Variants in MAP3K5 observed in about 807,000 individuals in gnomAD.
MAP3K5 encodes the protein ASK-1.
Under a neutral mutation model 158.7 loss-of-function variants are expected in MAP3K5, and 56 were observed. The observed-to-expected ratio is 0.35, with a 90% CI of 0.28 to 0.44. The LOEUF is 0.44. Ranked by LOEUF, MAP3K5 falls within the 20% of genes least tolerant of loss-of-function variation. The probability of loss-of-function intolerance (pLI) is 1.00; values close to 1 mark genes in which losing one functional copy is unlikely to be tolerated. For missense variants in MAP3K5, 1,294 were observed against 1,674.8 expected, an observed-to-expected ratio of 0.77 and a Z score of 3.97; for synonymous variants, 579 against 601.7, an observed-to-expected ratio of 0.96 and a Z score of 0.55.
intron 1 of MAP3K5, among the ~76,000 whole-genome samples, chr6:136,789,285 G>A (rs1190568504): frequency 6.6e-6 from 1 of 152,194 alleles, no homozygotes; most frequent in African/African-American, 2.4e-5. Context: ...ACTCCAGGCT[G>A]GGCAACAGAG....
chr6:136,764,347 C>T (rs1460638922), intron 1 of MAP3K5, among the ~76,000 whole-genome samples: 1 of 152,206 alleles, frequency 6.6e-6, no homozygotes, highest in Non-Finnish European at 1.5e-5. Flanking sequence ...TGATAGCTTC[C>T]ATGTCCTTCT....
At chr6:136,717,673 T>G (rs1781583283) in intron 2 of MAP3K5, among the ~76,000 whole-genome samples, 1 of 152,202 alleles carries the variant, frequency 6.6e-6, no homozygotes, top group Non-Finnish European at 1.5e-5. Flanking sequence ...AAGGGTTACA[T>G]CTTTAACTAA....
chr6:136,722,674 CT>C (rs372343492), intron 1 of MAP3K5, among the ~76,000 whole-genome samples: 1,319 of 115,578 alleles, frequency 0.011, 22 homozygotes, highest in African/African-American at 0.035. Context: ...TTTTTTTTTC[CT>C]TTTTTTTTTT....
chr6:136,681,760 C>T (rs1646087857), intron 7 of MAP3K5, among the ~76,000 whole-genome samples: 1 of 152,038 alleles, frequency 6.6e-6, no homozygotes, highest in Admixed American at 6.5e-5. Context: ...ACTAAAAATA[C>T]AAACAAAAAT....
chr6:136,560,721 G>A (rs570859202), intron 28 of MAP3K5, among the ~76,000 whole-genome samples: 1 of 152,070 alleles, frequency 6.6e-6, no homozygotes, highest in East Asian at 1.9e-4. Context: ...GCTGAGGTGA[G>A]AGAATCGCTT....
At chr6:136,679,435 GT>G (rs200924707) in intron 7 of MAP3K5, among the ~76,000 whole-genome samples, 14 of 151,442 alleles carry the variant, frequency 9.2e-5, no homozygotes, top group South Asian at 2.1e-4. Flanking sequence ...AGAATTTCAT[GT>G]TTTTTTTTAT....
At chr6:136,676,516 G>A (rs1779708882) in intron 7 of MAP3K5, among the ~76,000 whole-genome samples, 1 of 152,030 alleles carries the variant, frequency 6.6e-6, no homozygotes, top group Non-Finnish European at 1.5e-5. Context: ...TACTGATGTT[G>A]TTTATATAGC....
chr6:136,593,497 C>T (rs761380201), intron 21 of MAP3K5, among the ~76,000 whole-genome samples: 7 of 152,132 alleles, frequency 4.6e-5, no homozygotes, highest in Non-Finnish European at 1.0e-4. Context: ...GCCACAGTTA[C>T]TTGCCAGGAG....
intron 21 of MAP3K5, among the ~76,000 whole-genome samples, chr6:136,599,177 G>A (rs74755447): frequency 4.0e-5 from 6 of 148,636 alleles, no homozygotes; most frequent in African/African-American, 1.5e-4. Context: ...AAGGGGGGGG[G>A]GGCGTGGATT....
intron 21 of MAP3K5, among the ~76,000 whole-genome samples, chr6:136,597,906 C>A (rs1032440326): frequency 6.6e-6 from 1 of 152,174 alleles, no homozygotes; most frequent in Non-Finnish European, 1.5e-5. Flanking sequence ...AGTGCCTCAG[C>A]CATGGTAGCC....
chr6:136,645,107 T>A (rs540002276), intron 11 of MAP3K5, among the ~76,000 whole-genome samples: 20 of 152,008 alleles, frequency 1.3e-4, no homozygotes, highest in Non-Finnish European at 2.8e-4. Flanking sequence ...TTTTTTAAAT[T>A]TTTTTGTAGA....
intron 21 of MAP3K5, among the ~76,000 whole-genome samples, chr6:136,597,110 T>A (rs189088657): frequency 8.5e-5 from 13 of 152,276 alleles, no homozygotes; most frequent in African/African-American, 2.6e-4. Flanking sequence ...TCTCTGAGGA[T>A]AGGACATGTC....
rs776615081 is a variant in MAP3K5, at chr6:136,669,337, G to A, written c.1312C>T (p.Leu438Phe). 5 of 1,613,796 alleles carry A rather than the reference G, an allele frequency of 3.1e-6. No individual in the cohort carries two copies. Among genetic ancestry groups the A allele is most frequent in the East Asian group, 4.5e-5 (2 of 44,876 alleles). The change falls in exon 8 of 30, where the codon CTC becomes TTC. Residue 438 changes from leucine to phenylalanine, a missense_variant. Leu to Phe is a conservative substitution (Grantham distance 22). Transcript: ENST00000359015. ...AACTGGTGTCCAGCTGCCAGGAGGA[G>A]GACCGCATAATTAATTCCTGACTGT... is the stretch of plus-strand genomic sequence containing the variant. ...TLQSGINYAV[L>F]LLAAGHQFES...
chr6:136,605,609 T>TA (rs750539694), intron 18 of MAP3K5, among the ~76,000 whole-genome samples: 4 of 152,220 alleles, frequency 2.6e-5, no homozygotes, highest in Non-Finnish European at 5.9e-5. Context: ...TATGAATAGG[T>TA]ACGCTCTTAT....
intron 28 of MAP3K5, among the ~76,000 whole-genome samples, chr6:136,561,029 T>A (rs563628941): frequency 6.6e-6 from 1 of 151,586 alleles, no homozygotes; most frequent in Non-Finnish European, 1.5e-5. Flanking sequence ...ACAAGAAATT[T>A]TTTCTTTTAG....
chr6:136,607,073 C>A (rs549407277), intron 18 of MAP3K5, among the ~76,000 whole-genome samples: 1 of 152,208 alleles, frequency 6.6e-6, no homozygotes, highest in Non-Finnish European at 1.5e-5. Context: ...CAAAGACGCT[C>A]GCCCACCTTT....
At chr6:136,721,130 C>T (rs760266045) in intron 1 of MAP3K5, among the ~76,000 whole-genome samples, 3 of 151,150 alleles carry the variant, frequency 2.0e-5, no homozygotes, top group Non-Finnish European at 4.4e-5. Context: ...TACTGGAAAC[C>T]GAGGAGAATT....
chr6:136,777,817 C>A (rs1389129943), intron 1 of MAP3K5, among the ~76,000 whole-genome samples: 2 of 150,668 alleles, frequency 1.3e-5, no homozygotes, highest in Non-Finnish European at 3.0e-5. Context: ...GCCCAGCCTT[C>A]GAATGCTTGG....
chr6:136,593,837 C>T, intron 21 of MAP3K5: 1 of 345,620 alleles, frequency 2.9e-6, no homozygotes, highest in Non-Finnish European at 5.6e-6. Context: ...AGGAAATCCA[C>T]TGTTGCCTGG....
Sources: allele counts gnomAD v4.1 joint callset (sites outside exome capture counted in the v4.1 genomes callset), GRCh38; gene constraint gnomAD v4.1.1; transcripts MANE v1.5; gene names NCBI Gene and HGNC (gene_info 2026-07-23, HGNC 2026-07-21).